DCBLD1: variants seen among roughly 807,000 people sequenced by gnomAD.
DCBLD1 encodes the protein discoidin, CUB and LCCL domain-containing protein 1.
DCBLD1 carries 57 observed loss-of-function variants against 71.5 expected under a neutral mutation model. The observed-to-expected ratio is 0.80, with a 90% CI of 0.64 to 0.99. The LOEUF (loss-of-function observed/expected upper bound fraction) is 0.99, where lower values mean the gene tolerates loss of function less well. Ranked by LOEUF, DCBLD1 falls within the 50% of genes least tolerant of loss-of-function variation. The pLI, the probability that DCBLD1 is intolerant of heterozygous loss-of-function variation, is 0.00. For synonymous variants in DCBLD1, 380 were observed against 363.8 expected, an observed-to-expected ratio of 1.04 and a Z score of -0.51; for missense variants, 891 against 923.5, an observed-to-expected ratio of 0.96 and a Z score of 0.46.
At chr6:117,544,421 A>C (rs1054050778) in intron 12 of DCBLD1, 107 bp from the exon 13 acceptor site, 6 of 1,028,008 alleles carry the variant, frequency 5.8e-6, no homozygotes, top group Non-Finnish European at 8.1e-6. Context: ...TTTAATTCTC[A>C]CATCAACCCT....
chr6:117,501,330 GTCA>G (rs1449643358), intron 1 of DCBLD1, among the ~76,000 whole-genome samples: 1 of 133,560 alleles, frequency 7.5e-6, no homozygotes, highest in African/African-American at 3.4e-5. Context: ...TCTTTCAGTT[GTCA>G]TTGTTGTTGT....
At chr6:117,482,998 C>T in intron 1 of DCBLD1, 105 bp downstream of exon 1, 1 of 987,412 alleles carries the variant, frequency 1.0e-6, no homozygotes, top group Non-Finnish European at 1.2e-6. Context: ...GCGGGCCGGG[C>T]CTGGGGGGAC....
intron 2 of DCBLD1, among the ~76,000 whole-genome samples, chr6:117,513,715 T>C (rs190679764): frequency 2.0e-5 from 3 of 152,254 alleles, no homozygotes; most frequent in Non-Finnish European, 4.4e-5. Flanking sequence ...GTGCATCCTA[T>C]TTTTAGGAAG....
intron 2 of DCBLD1, among the ~76,000 whole-genome samples, chr6:117,512,164 T>A (rs2114459364): frequency 6.6e-6 from 1 of 152,318 alleles, no homozygotes; most frequent in African/African-American, 2.4e-5. Flanking sequence ...AATTGCCATC[T>A]TTCATTGGGA....
chr6:117,484,765 A>G (rs947327606), intron 1 of DCBLD1, among the ~76,000 whole-genome samples: 3 of 152,246 alleles, frequency 2.0e-5, no homozygotes, highest in Non-Finnish European at 1.5e-5. Context: ...TTTAGGAAAC[A>G]AATGGTATAA....
At chr6:117,561,724 T>A (rs560485225) in intron 14 of DCBLD1, 1 of 206,068 alleles carries the variant, frequency 4.9e-6, no homozygotes, top group East Asian at 7.5e-5. Context: ...CAATATACAC[T>A]ACGAAGTGCA....
intron 2 of DCBLD1, among the ~76,000 whole-genome samples, chr6:117,510,996 C>T (rs1778001183): frequency 6.6e-6 from 1 of 152,118 alleles, no homozygotes; most frequent in South Asian, 2.1e-4. Flanking sequence ...GAAACTGAAG[C>T]TCAAAGAAGG....
At chr6:117,509,709 T>A (rs1445387775) in intron 2 of DCBLD1, among the ~76,000 whole-genome samples, 2 of 152,150 alleles carry the variant, frequency 1.3e-5, no homozygotes, top group African/African-American at 2.4e-5. Context: ...CGTAATACCC[T>A]GAGCACTCTC....
rs116434032 is a variant in DCBLD1 at position 117,521,885 on chromosome 6, G to A, written c.512+309G>A. ...ATGTATACACTAACAGACATGCTGTGTTTCAATAAAACTGTATTTACCAAA... is the reference window on the plus strand; with the variant it reads ...ATGTATACACTAACAGACATGCTGTATTTCAATAAAACTGTATTTACCAAA... On this transcript the variant is annotated intron_variant, in intron 4 of 14. Transcript: ENST00000338728. Among the ~76,000 whole-genome samples the A allele has an allele frequency of 5.0e-3, 758 of 152,266 alleles. 6 individuals are homozygous for A. Among genetic ancestry groups the A allele is most frequent in the African/African-American group, 0.017 (692 of 41,538 alleles).
chr6:117,522,412 C>A (rs184642806), intron 4 of DCBLD1, among the ~76,000 whole-genome samples: 21 of 151,986 alleles, frequency 1.4e-4, no homozygotes, highest in Admixed American at 1.2e-3. Flanking sequence ...AGATCATTGT[C>A]AACAACACTA....
At chr6:117,563,168 G>C in intron 14 of DCBLD1, 1 of 1,294,080 alleles carries the variant, frequency 7.7e-7, no homozygotes, top group Admixed American at 1.9e-5. Context: ...AGCCTCCCCT[G>C]ATTTTGTAGT....
At position 117,548,281 on chromosome 6, in the gene DCBLD1, G is replaced by T. The variant is rs952472403; in HGVS notation, c.1990G>T (p.Gly664Cys). ...ACACAGCGCACAGCCTGCGGACAGG[G>T]GCTACGACCGGCCCAAAGCTGTCAG... The part of the protein sequence containing the change: ...RPHSAQPADR[G>C]YDRPKAVSAL... The change falls in exon 15 of 15, where the codon GGC (glycine) becomes TGC (cysteine). Residue 664 changes from glycine to cysteine, a missense_variant. Coordinates refer to ENST00000338728, the MANE Select transcript of DCBLD1 (RefSeq NM_001366458.2). The T allele has an allele frequency of 2.1e-5, 33 of 1,550,532 alleles. No homozygotes were observed. The highest frequency in any genetic ancestry group is 2.7e-5 in the African/African-American group (2 of 73,064).
chr6:117,563,208 A>G (rs1280241120), intron 14 of DCBLD1: 1 of 1,581,202 alleles, frequency 6.3e-7, no homozygotes, highest in Admixed American at 1.7e-5. Flanking sequence ...AGTGCCCCAA[A>G]TTCAGAATAG....
chr6:117,545,427 G>T (rs1353907823), intron 13 of DCBLD1, 51 bp from the exon 14 acceptor site: 1 of 1,598,552 alleles, frequency 6.3e-7, no homozygotes, highest in Non-Finnish European at 8.5e-7. Flanking sequence ...TCTGGAGGAC[G>T]CGCATTACAT....
At chr6:117,488,553 G>A (rs1777169763) in intron 1 of DCBLD1, among the ~76,000 whole-genome samples, 1 of 152,214 alleles carries the variant, frequency 6.6e-6, no homozygotes, top group South Asian at 2.1e-4. Flanking sequence ...GCTGAGGTGG[G>A]AGGATCCCTT....
In DCBLD1 at chr6:117,545,500, T is replaced by C. The variant is rs776818501; in HGVS notation, c.1518T>C (p.Tyr506=). The change falls in exon 14 of 15, where the codon TAT becomes TAC. Residue 506 remains tyrosine, a synonymous_variant. Coordinates refer to ENST00000338728, the MANE Select transcript of DCBLD1 (RefSeq NM_001366458.2). ...QKTDCWKQIK[Y]PFARHQSAEF... Reference sequence around the variant, plus strand: ...CAGACTGTTGGAAGCAGATTAAATATCCCTTTGCCAGACATCAGTCAGCTG... The same window carrying C: ...CAGACTGTTGGAAGCAGATTAAATACCCCTTTGCCAGACATCAGTCAGCTG... 6.2e-7 allele frequency: 1 copy of C among 1,613,976 alleles called. No individual in the cohort carries two copies. Among genetic ancestry groups the C allele is most frequent in the Non-Finnish European group, 8.5e-7 (1 of 1,180,004 alleles).
chr6:117,485,090 GAC>G (rs1482166736), intron 1 of DCBLD1: 6 of 152,264 alleles, frequency 3.9e-5, no homozygotes, highest in African/African-American at 1.4e-4. Flanking sequence ...TTCATAATAA[GAC>G]ATTAAGTTGA....
At chr6:117,505,944 A>G (rs1411093338) in intron 2 of DCBLD1, among the ~76,000 whole-genome samples, 2 of 152,224 alleles carry the variant, frequency 1.3e-5, no homozygotes, top group Admixed American at 6.5e-5. Context: ...ATGCATCACT[A>G]GAAGATGAAT....
intron 2 of DCBLD1, among the ~76,000 whole-genome samples, chr6:117,517,369 CT>C (rs1399975228): frequency 6.6e-6 from 1 of 152,244 alleles, no homozygotes; most frequent in Non-Finnish European, 1.5e-5. Flanking sequence ...AGCTCCACCC[CT>C]GTGGCTTTGC....
Sources: allele counts gnomAD v4.1 joint callset (sites outside exome capture counted in the v4.1 genomes callset), GRCh38; gene constraint gnomAD v4.1.1; transcripts MANE v1.5; gene names NCBI Gene and HGNC (gene_info 2026-07-23, HGNC 2026-07-21).